SCHIP1: variants seen among roughly 807,000 people sequenced by gnomAD.
SCHIP1 encodes the protein schwannomin-interacting protein 1.
SCHIP1 carries 8 observed loss-of-function variants against 29.7 expected under a neutral mutation model. The ratio of observed to expected loss-of-function variants is 0.27; its 90% CI spans 0.16 to 0.49. SCHIP1 has a LOEUF of 0.49. SCHIP1 is among the 20% of genes least tolerant of loss of function. SCHIP1 has a pLI of 0.99. For missense variants in SCHIP1, 193 were observed against 294.6 expected (o/e 0.66, Z 2.52); for synonymous variants, 76 against 94.9 (o/e 0.80, Z 1.16).
chr3:159,332,246 C>G, the SCHIP1 span, among the ~76,000 whole-genome samples: 1 of 152,140 alleles, frequency 6.6e-6, no homozygotes, highest in Non-Finnish European at 1.5e-5. Context: ...TTTGCTGAAC[C>G]AATTTGCCTA....
chr3:159,761,052 A>G, the SCHIP1 span, among the ~76,000 whole-genome samples: 2 of 152,248 alleles, frequency 1.3e-5, no homozygotes, highest in Non-Finnish European at 2.9e-5. Context: ...GACTTGAAGG[A>G]TGAGTAAAAA....
chr3:159,571,470 G>A, the SCHIP1 span, among the ~76,000 whole-genome samples: 1 of 152,156 alleles, frequency 6.6e-6, no homozygotes, highest in African/African-American at 2.4e-5. Context: ...TTGCATCCCA[G>A]GGATGAAGTC....
chr3:159,677,191 T>C, the SCHIP1 span, among the ~76,000 whole-genome samples: 23 of 152,250 alleles, frequency 1.5e-4, no homozygotes, highest in African/African-American at 5.3e-4. Flanking sequence ...AATTCCCTAT[T>C]CATTTGAGGG....
chr3:159,752,246 G>A, the SCHIP1 span, among the ~76,000 whole-genome samples: 1 of 152,004 alleles, frequency 6.6e-6, no homozygotes, highest in African/African-American at 2.4e-5. Flanking sequence ...TGTGATTATT[G>A]CAAAGAAACT....
chr3:159,401,320 C>G, the SCHIP1 span: 1 of 939,390 alleles, frequency 1.1e-6, no homozygotes, highest in Non-Finnish European at 1.3e-6. Context: ...AATATACAAA[C>G]TCTATCTTTG....
intron 1 of SCHIP1, among the ~76,000 whole-genome samples, chr3:159,862,939 T>C (rs140403977): frequency 6.6e-6 from 1 of 152,210 alleles, no homozygotes; most frequent in Non-Finnish European, 1.5e-5. Flanking sequence ...TGTGACAAAA[T>C]GTGTCAAGAG....
the SCHIP1 span, among the ~76,000 whole-genome samples, chr3:159,449,604 A>G: frequency 6.6e-6 from 1 of 152,184 alleles, no homozygotes; most frequent in East Asian, 1.9e-4. Flanking sequence ...GCCTTTTTTC[A>G]TATCATAAAA....
chr3:159,485,153 G>A, the SCHIP1 span, among the ~76,000 whole-genome samples: 1 of 152,042 alleles, frequency 6.6e-6, no homozygotes, highest in African/African-American at 2.4e-5. Flanking sequence ...ATACTTCCTG[G>A]ATATCCACAC....
chr3:159,801,659 ATCTT>A, the SCHIP1 span, among the ~76,000 whole-genome samples: 2 of 152,148 alleles, frequency 1.3e-5, no homozygotes, highest in Non-Finnish European at 2.9e-5. Flanking sequence ...TATAATCAAA[ATCTT>A]TCACTTTCTA....
At chr3:159,401,015 TTG>T in the SCHIP1 span, 1 of 170,554 alleles carries the variant, frequency 5.9e-6, no homozygotes. Flanking sequence ...TCAGAAGGGA[TTG>T]TGTTTACAAA....
chr3:159,435,773 G>T, the SCHIP1 span, among the ~76,000 whole-genome samples: 1 of 152,064 alleles, frequency 6.6e-6, no homozygotes, highest in East Asian at 1.9e-4. Context: ...ATCTCCCTAG[G>T]CCAAGTGTGT....
the SCHIP1 span, among the ~76,000 whole-genome samples, chr3:159,588,490 T>C: frequency 5.9e-5 from 9 of 152,362 alleles, no homozygotes; most frequent in African/African-American, 2.2e-4. Flanking sequence ...TTTGTCAATT[T>C]TGGCTTTGTT....
chr3:159,677,022 T>C, the SCHIP1 span, among the ~76,000 whole-genome samples: 2 of 152,084 alleles, frequency 1.3e-5, no homozygotes, highest in South Asian at 2.1e-4. Flanking sequence ...CAAGTAAAGG[T>C]CACGTGTTTT....
chr3:159,882,264 G>A (rs983060489), intron 2 of SCHIP1, among the ~76,000 whole-genome samples: 4 of 152,128 alleles, frequency 2.6e-5, no homozygotes, highest in African/African-American at 4.8e-5. Flanking sequence ...ATACAGCCCC[G>A]GGAGAGAATG....
chr3:159,344,487 A>T, the SCHIP1 span, among the ~76,000 whole-genome samples: 3 of 152,224 alleles, frequency 2.0e-5, no homozygotes, highest in Non-Finnish European at 2.9e-5. Flanking sequence ...TACTCTTAAC[A>T]TGATGAACAA....
At chr3:159,431,405 TAGCC>T in the SCHIP1 span, among the ~76,000 whole-genome samples, 1 of 151,546 alleles carries the variant, frequency 6.6e-6, no homozygotes, top group South Asian at 2.1e-4. Context: ...AATGCAGGAG[TAGCC>T]AGCCTGAATA....
the SCHIP1 span, among the ~76,000 whole-genome samples, chr3:159,466,010 AT>A: frequency 2.0e-5 from 3 of 152,158 alleles, no homozygotes; most frequent in Admixed American, 6.6e-5. Context: ...ATGTTACACA[AT>A]TTTTGAGAAA....
At chr3:159,336,214 G>C in the SCHIP1 span, among the ~76,000 whole-genome samples, 27 of 150,458 alleles carry the variant, frequency 1.8e-4, no homozygotes, top group African/African-American at 6.6e-4. Flanking sequence ...TTGTAAATTT[G>C]TTTGAGTTCA....
chr3:159,773,183 T>C, the SCHIP1 span, among the ~76,000 whole-genome samples: 1 of 152,254 alleles, frequency 6.6e-6, no homozygotes, highest in Non-Finnish European at 1.5e-5. Flanking sequence ...TTTCCTTAGT[T>C]GCTTGATGCT....
Sources: allele counts gnomAD v4.1 joint callset (sites outside exome capture counted in the v4.1 genomes callset), GRCh38; gene constraint gnomAD v4.1.1; transcripts MANE v1.5; gene names NCBI Gene and HGNC (gene_info 2026-07-23, HGNC 2026-07-21).